ABLIM2: variants seen among roughly 807,000 people sequenced by gnomAD.
ABLIM2 encodes the protein actin binding LIM protein family member 2, also known as actin-binding LIM protein 2.
Under a neutral mutation model 97.7 loss-of-function variants are expected in ABLIM2, and 53 were observed. The observed-to-expected ratio is 0.54, with a 90% CI of 0.44 to 0.68. ABLIM2 has a LOEUF of 0.68. Ranked by LOEUF, ABLIM2 falls within the 30% of genes least tolerant of loss-of-function variation. ABLIM2 has a pLI of 0.00. For missense variants in ABLIM2, 835 were observed against 867.2 expected, an observed-to-expected ratio of 0.96 and a Z score of 0.47; for synonymous variants, 361 against 345.8, an observed-to-expected ratio of 1.04 and a Z score of -0.49.
Position 8,067,682 on chromosome 4 carries a change from A to G in ABLIM2, c.676-6628T>C, listed in dbSNP as rs1808854467. 6.6e-6 allele frequency: 1 copy of G among 152,276 alleles called. No individual in the cohort carries two copies. Among genetic ancestry groups the G allele is most frequent in the African/African-American group, 2.4e-5 (1 of 41,468 alleles). 9.4% of individuals were successfully genotyped at this position (152,276 alleles called of 1,614,324 possible). On this transcript the variant is annotated intron_variant, in intron 6 of 20. Transcript: ENST00000447017. The surrounding 1 kb of genome is among the most constrained non-coding windows in gnomAD (Gnocchi z 5.4). ...CTCTGAGGAACACCACGGGGCCGTC[A>G]AGTGGACGGAGCAAATGTGCCTGCC...
In ABLIM2 at chr4:7,967,104, C is replaced by A; in HGVS notation, c.1825-1G>T. On this transcript the variant is annotated splice_acceptor_variant, in intron 20 of 20. Transcript: ENST00000447017. LOFTEE classifies it high-confidence loss of function. ...GGAACTCCTCGGGCGACAAGTGTCT[C>A]TTCAAACAAAAAGGCAAAACAGAAG... is the stretch of plus-strand genomic sequence containing the variant. 6.2e-7 allele frequency: 1 copy of A among 1,613,248 alleles called. No homozygotes were observed. The highest frequency in any genetic ancestry group is 8.5e-7 in the Non-Finnish European group (1 of 1,179,696).
intron 1 of ABLIM2, among the ~76,000 whole-genome samples, chr4:8,152,461 C>T (rs1478914795): frequency 6.6e-6 from 1 of 152,258 alleles, no homozygotes; most frequent in Non-Finnish European, 1.5e-5. Context: ...CCCAGGGCCC[C>T]AGGGCGGCAC....
chr4:8,136,825 G>A (rs920219878), intron 1 of ABLIM2, among the ~76,000 whole-genome samples: 1 of 152,244 alleles, frequency 6.6e-6, no homozygotes, highest in Non-Finnish European at 1.5e-5. Flanking sequence ...GCACACAGCG[G>A]GGCCTCCCCG....
rs914816692 is a variant in ABLIM2, at chr4:8,061,694, C to G, written c.676-640G>C. 2.6e-5 allele frequency among the ~76,000 whole-genome samples: 4 copies of G among 151,934 alleles called. No individual in the cohort carries two copies. The highest frequency in any genetic ancestry group is 9.7e-5 in the African/African-American group (4 of 41,358). ...CACCCCGAAATGCTCCCTTTACCCC[C>G]ACGTTCCAGCACACACTTCCTACCC... On this transcript the variant is annotated intron_variant, in intron 6 of 20. Transcript: ENST00000447017. The surrounding 1 kb of genome is among the most constrained non-coding windows in gnomAD (Gnocchi z 4.5).
chr4:8,017,472 G>C (rs1482966557), intron 14 of ABLIM2, among the ~76,000 whole-genome samples: 1 of 151,780 alleles, frequency 6.6e-6, no homozygotes, highest in African/African-American at 2.4e-5. Context: ...TATTTTAGTA[G>C]AGATGGGGTT....
At chr4:8,144,046 A>C (rs1220810296) in intron 1 of ABLIM2, among the ~76,000 whole-genome samples, 3 of 152,142 alleles carry the variant, frequency 2.0e-5, no homozygotes, top group Non-Finnish European at 4.4e-5. Context: ...TTCCCAGGTC[A>C]ATGCCAAGGA....
At chr4:8,034,189 G>T (rs906523258) in intron 10 of ABLIM2, among the ~76,000 whole-genome samples, 2 of 152,210 alleles carry the variant, frequency 1.3e-5, no homozygotes, top group Non-Finnish European at 2.9e-5. Context: ...ATCTGGTCCA[G>T]GTGCAGACCA....
rs1230815699 is a variant in ABLIM2 at position 8,083,008 on chromosome 4, T to C, written c.455-2206A>G. 2.6e-5 allele frequency among the ~76,000 whole-genome samples: 4 copies of C among 152,152 alleles called. No individual in the cohort carries two copies. Among genetic ancestry groups the C allele is most frequent in the South Asian group, 2.1e-4 (1 of 4,822 alleles). On this transcript the variant is annotated intron_variant, in intron 4 of 20. Transcript: ENST00000447017. This position sits in a 1 kb window ranked among gnomAD's most constrained non-coding sequence, Gnocchi z 4.6. Reference sequence around the variant, plus strand: ...TGGCAATGTCTGGCGACCCTTTTGATTGTCATAACTTGGAGGGGGTTCCAG... The same window carrying C: ...TGGCAATGTCTGGCGACCCTTTTGACTGTCATAACTTGGAGGGGGTTCCAG...
chr4:8,079,662 G>A (rs1561227318), intron 5 of ABLIM2, among the ~76,000 whole-genome samples: 2 of 152,180 alleles, frequency 1.3e-5, no homozygotes, highest in Admixed American at 1.3e-4. Context: ...TGCAGAATTA[G>A]TATACACCCT....
intron 20 of ABLIM2, among the ~76,000 whole-genome samples, chr4:7,979,483 T>C (rs1235650703): frequency 6.6e-6 from 1 of 152,242 alleles, no homozygotes; most frequent in Non-Finnish European, 1.5e-5. Flanking sequence ...AAATTTAACA[T>C]ATTTTGAGCC....
At chr4:8,074,346 G>A (rs1199348101) in intron 6 of ABLIM2, among the ~76,000 whole-genome samples, 1 of 152,094 alleles carries the variant, frequency 6.6e-6, no homozygotes, top group African/African-American at 2.4e-5. Context: ...TCCCGGCTAC[G>A]TGGGAGCCTG....
rs869080154 is a variant in ABLIM2 at position 8,074,089 on chromosome 4, C to CA, written c.675+3538dup. On this transcript the variant is annotated intron_variant, in intron 6 of 20. Coordinates refer to ENST00000447017, the MANE Select transcript of ABLIM2 (RefSeq NM_001130083.2). ...ATGACAAGAGTAAAACTCTGTCTCA[C>CA]AAAAAAAAAAAAAAAAAAAAAAAAA... Among the ~76,000 whole-genome samples the CA allele has an allele frequency of 8.0e-3, 365 of 45,730 alleles. 35 individuals carry two copies. Among genetic ancestry groups the CA allele is most frequent in the African/African-American group, 0.022 (254 of 11,434 alleles). The allele number at this position is 45,730 out of a possible 152,430, so 30.0% of individuals were successfully genotyped here. A position where few individuals can be genotyped will look rare whatever the true frequency, so the allele number is the denominator to read the frequency against.
chr4:8,078,856 G>A (rs556934896), intron 5 of ABLIM2, among the ~76,000 whole-genome samples: 7 of 152,240 alleles, frequency 4.6e-5, no homozygotes, highest in Admixed American at 6.5e-5. Flanking sequence ...GACCCAGCAC[G>A]TGTGGGGGTG....
intron 8 of ABLIM2, among the ~76,000 whole-genome samples, chr4:8,051,323 C>G (rs1579852652): frequency 6.6e-6 from 1 of 151,804 alleles, no homozygotes; most frequent in Admixed American, 6.6e-5. Context: ...CCGAGGCGGG[C>G]GGATCCCGAG....
At chr4:8,114,047 G>C (rs1230762087) in intron 1 of ABLIM2, among the ~76,000 whole-genome samples, 1 of 152,236 alleles carries the variant, frequency 6.6e-6, no homozygotes, top group Non-Finnish European at 1.5e-5. Flanking sequence ...ACACATCACA[G>C]TGCTCAGCTC....
In ABLIM2 at chr4:8,002,564, C is replaced by T. The variant is rs1018640639; in HGVS notation, c.1618+5495G>A. Among the ~76,000 whole-genome samples, 2 of 152,190 alleles carry T rather than the reference C, an allele frequency of 1.3e-5. No individual in the cohort carries two copies. The highest frequency in any genetic ancestry group is 2.9e-5 in the Non-Finnish European group (2 of 68,036). ...GCTGACGTTCCCCTCCCTGGCACTG[C>T]GCTCCAGACCTTTCCTGATTGGACC... On this transcript the variant is annotated intron_variant, in intron 16 of 20. Coordinates refer to ENST00000447017, the MANE Select transcript of ABLIM2 (RefSeq NM_001130083.2). This position sits in a 1 kb window ranked among gnomAD's most constrained non-coding sequence, Gnocchi z 6.1.
In ABLIM2 at chr4:8,122,023, C is replaced by T. The variant is rs936123674; in HGVS notation, c.11-15386G>A. ...GGGGCTGAGCTAGTCCCACCAGGGA[C>T]CCCACTCTCTCTCCAGGCAGCTGCT... On this transcript the variant is annotated intron_variant, in intron 1 of 20. Transcript: ENST00000447017. This position sits in a 1 kb window ranked among gnomAD's most constrained non-coding sequence, Gnocchi z 4.1. Among the ~76,000 whole-genome samples the T allele has an allele frequency of 5.9e-5, 9 of 152,182 alleles. No homozygotes were observed. Among genetic ancestry groups the T allele is most frequent in the Non-Finnish European group, 1.2e-4 (8 of 68,032 alleles).
At chr4:8,056,329 G>T in intron 7 of ABLIM2, among the ~76,000 whole-genome samples, 1 of 134,644 alleles carries the variant, frequency 7.4e-6, no homozygotes, top group African/African-American at 2.8e-5. Context: ...TTTTGAGACA[G>T]GGTCTCACTC....
chr4:8,103,958 G>T (rs1835934059), intron 2 of ABLIM2, among the ~76,000 whole-genome samples: 1 of 152,246 alleles, frequency 6.6e-6, no homozygotes, highest in African/African-American at 2.4e-5. Flanking sequence ...TTCCAGAAAT[G>T]TGGCAAATGT....
Sources: gnomAD v4.1 joint callset for allele counts (sites outside exome capture counted in the v4.1 genomes callset) on GRCh38, gnomAD v4.1.1 for gene constraint, Gnocchi (gnomAD v3.1) non-coding constraint, MANE v1.5 for transcripts, NCBI Gene and HGNC (gene_info 2026-07-23, HGNC 2026-07-21) for gene names.